POLR2F: variants seen among roughly 807,000 people sequenced by gnomAD.
The protein encoded by POLR2F is DNA-directed RNA polymerases I, II, and III subunit RPABC2.
POLR2F carries 12 observed loss-of-function variants against 22.7 expected under a neutral mutation model. The observed-to-expected ratio is 0.53, with a 90% CI of 0.34 to 0.86. The LOEUF (loss-of-function observed/expected upper bound fraction) is 0.86, where lower values mean the gene tolerates loss of function less well. Ranked by LOEUF, POLR2F falls within the 40% of genes least tolerant of loss-of-function variation. The pLI is 0.02. For synonymous variants in POLR2F, 57 were observed against 66.0 expected, an observed-to-expected ratio of 0.86 and a Z score of 0.66; for missense variants, 126 against 171.5, an observed-to-expected ratio of 0.73 and a Z score of 1.48.
downstream of POLR2F, among the ~76,000 whole-genome samples, chr22:38,030,841 G>T (rs922839936): frequency 4.6e-5 from 7 of 152,134 alleles, no homozygotes; most frequent in Non-Finnish European, 1.0e-4. Flanking sequence ...GTTCCCCGGG[G>T]ATCAGGAACA....
chr22:38,032,237 A>T (rs1050883253), intron 5 of POLR2F: 1 of 152,144 alleles, frequency 6.6e-6, no homozygotes, highest in Non-Finnish European at 1.5e-5. Context: ...ATCTCAAGCA[A>T]TTCTCTCACC....
Position 38,041,076 on chromosome 22 carries a change from G to A in POLR2F, c.461G>A (p.Arg154Gln), listed in dbSNP as rs778818192. The stretch of plus-strand genomic sequence containing the variant: ...CCTGTGTTATTTTCCAGGAGGCGGC[G>A]GCTCAGAGAGGAGTGACTCGCCTGA... Residue 154 changes from arginine to glutamine, a missense_variant, in exon 6 of 6, where the codon CGG (arginine) becomes CAG (glutamine). Coordinates refer to the POLR2F transcript ENST00000407936. The A allele has an allele frequency of 9.3e-6, 15 of 1,612,786 alleles. No individual in the cohort carries two copies. The East Asian group carries it at 1.3e-4, about 14-fold the overall frequency.
intron 5 of POLR2F, among the ~76,000 whole-genome samples, chr22:38,035,891 G>A (rs952505048): frequency 2.6e-5 from 4 of 152,126 alleles, no homozygotes; most frequent in Non-Finnish European, 5.9e-5. Flanking sequence ...CTCCAGGGTG[G>A]GTGTGGTTTT....
chr22:37,967,812 C>G lies in POLR2F; in HGVS notation c.*97C>G. 2 of 1,486,312 alleles carry G rather than the reference C, an allele frequency of 1.3e-6. No homozygotes were observed. Among genetic ancestry groups the G allele is most frequent in the Admixed American group, 2.4e-5 (1 of 41,764 alleles). The allele number at this position is 1,486,312 out of a possible 1,614,324, so 92.1% of individuals were successfully genotyped here. ...TATTCAACTTTCCAACCCCCTTCCCCTCTGCTTATCTGCAATGTCACCACC... is the reference window on the plus strand; with the variant it reads ...TATTCAACTTTCCAACCCCCTTCCCGTCTGCTTATCTGCAATGTCACCACC... On this transcript the variant is annotated 3_prime_UTR_variant, in exon 5 of 5. Coordinates refer to ENST00000442738, the MANE Select transcript of POLR2F (RefSeq NM_021974.5).
rs1220398181 is a variant in POLR2F, at chr22:37,997,310, C to T, written c.120+10998C>T. On this transcript the variant is annotated intron_variant, in intron 1 of 2. Transcript: ENST00000333418. This position sits in a 1 kb window ranked among gnomAD's most constrained non-coding sequence, Gnocchi z 4.4. ...TCCCTCCTTCTCCTCTTTCTGTCCC[C>T]AGCCTCCTCTCTCTGGGAAGCTTTT... Among the ~76,000 whole-genome samples the T allele has an allele frequency of 6.6e-6, 1 of 152,148 alleles. No individual in the cohort carries two copies. The highest frequency in any genetic ancestry group is 1.9e-4 in the East Asian group (1 of 5,192).
intron 5 of POLR2F, among the ~76,000 whole-genome samples, chr22:38,036,152 T>C (rs1301146112): frequency 6.6e-6 from 1 of 152,010 alleles, no homozygotes; most frequent in Admixed American, 6.5e-5. Flanking sequence ...AGTTTTTGTA[T>C]TTTTAGTAGA....
At chr22:38,040,710 T>C (rs2085164062) in intron 5 of POLR2F, 1 of 352,830 alleles carries the variant, frequency 2.8e-6, no homozygotes, top group Admixed American at 4.1e-5. Flanking sequence ...CCAGAGGCAA[T>C]GGTTAACTCC....
At chr22:38,018,706 A>G (rs565635071) in intron 1 of POLR2F, among the ~76,000 whole-genome samples, 2 of 152,272 alleles carry the variant, frequency 1.3e-5, no homozygotes, top group African/African-American at 2.4e-5. Context: ...AAAGTTTTCT[A>G]TGGTAGACCC....
At chr22:37,960,541 G>C (rs1440498833) in intron 3 of POLR2F, among the ~76,000 whole-genome samples, 6 of 152,264 alleles carry the variant, frequency 3.9e-5, no homozygotes, top group Non-Finnish European at 7.4e-5. Context: ...GGGACTACAG[G>C]CGCCCGCCAC....
rs1187606713 is a variant in POLR2F at position 37,997,391 on chromosome 22, G to A, written c.120+11079G>A. On this transcript the variant is annotated intron_variant, in intron 1 of 2. Coordinates refer to the POLR2F transcript ENST00000333418. This position sits in a 1 kb window ranked among gnomAD's most constrained non-coding sequence, Gnocchi z 4.4. ...GCTCCTGCCTCTTGGTGTCCTTCTT[G>A]TCCTGGCCCTCCTGCCCTGGCTCCC... is the stretch of plus-strand genomic sequence containing the variant. Among the ~76,000 whole-genome samples the A allele has an allele frequency of 2.6e-5, 4 of 151,876 alleles. No homozygotes were observed.
chr22:37,963,334 G>T (rs935611994), intron 3 of POLR2F, among the ~76,000 whole-genome samples: 1 of 152,124 alleles, frequency 6.6e-6, no homozygotes, highest in African/African-American at 2.4e-5. Context: ...TATCACCCGG[G>T]CTGGAGTGCA....
chr22:37,999,999 G>A (rs2084754330), intron 1 of POLR2F, among the ~76,000 whole-genome samples: 3 of 152,332 alleles, frequency 2.0e-5, no homozygotes, highest in African/African-American at 4.8e-5. Context: ...GAATCGCAGG[G>A]ATCCCAGCAC....
downstream of POLR2F, chr22:37,973,806 G>T: frequency 6.3e-7 from 1 of 1,596,404 alleles, no homozygotes; most frequent in South Asian, 1.1e-5. Flanking sequence ...GGGGGCCCCT[G>T]GGGCCCCGCG....
chr22:37,989,482 T>A, intron 1 of POLR2F, among the ~76,000 whole-genome samples: 1 of 152,160 alleles, frequency 6.6e-6, no homozygotes, highest in Non-Finnish European at 1.5e-5. Context: ...CCAGGTGGCA[T>A]TCCTGCTTGG....
At chr22:38,020,586 AG>A (rs1258418664) in intron 1 of POLR2F, among the ~76,000 whole-genome samples, 2 of 151,842 alleles carry the variant, frequency 1.3e-5, no homozygotes, top group African/African-American at 4.8e-5. Context: ...AAAAATTAAA[AG>A]AAAATTTAGC....
intron 1 of POLR2F, chr22:37,988,682 C>A (rs1003046178): frequency 1.3e-5 from 2 of 154,242 alleles, no homozygotes; most frequent in Admixed American, 6.6e-5. Flanking sequence ...AACAAAAAAA[C>A]ATACTGGAGC....
chr22:37,993,039 A>T (rs115011198), intron 1 of POLR2F, among the ~76,000 whole-genome samples: 1 of 152,148 alleles, frequency 6.6e-6, no homozygotes, highest in Admixed American at 6.5e-5. Flanking sequence ...CATGGTGCAG[A>T]CATGCATGAG....
At chr22:37,961,270 C>G (rs998403103) in intron 3 of POLR2F, among the ~76,000 whole-genome samples, 1 of 151,960 alleles carries the variant, frequency 6.6e-6, no homozygotes, top group African/African-American at 2.4e-5. Flanking sequence ...GTTGCCCAGG[C>G]TGGTCTTGAA....
intron 5 of POLR2F, among the ~76,000 whole-genome samples, chr22:38,038,545 C>T (rs1469782572): frequency 6.6e-6 from 1 of 152,164 alleles, no homozygotes; most frequent in African/African-American, 2.4e-5. Context: ...TCCTCCCCAC[C>T]TTCCGCCGTG....
Sources: allele counts gnomAD v4.1 joint callset (sites outside exome capture counted in the v4.1 genomes callset), GRCh38; gene constraint gnomAD v4.1.1; non-coding constraint Gnocchi (gnomAD v3.1); transcripts MANE v1.5; gene names NCBI Gene and HGNC (gene_info 2026-07-23, HGNC 2026-07-21).